Variants in CD44 observed in about 807,000 individuals in gnomAD.
CD44 encodes CD44 antigen.
CD44 carries 49 observed loss-of-function variants against 88.8 expected under a neutral mutation model. That is an observed-to-expected ratio of 0.55 (90% CI 0.44 to 0.70). The LOEUF is 0.70. Ranked by LOEUF, CD44 falls within the 30% of genes least tolerant of loss-of-function variation. CD44 has a pLI of 0.00. For synonymous variants in CD44, 325 were observed against 312.3 expected (o/e 1.04, Z -0.43); for missense variants, 883 against 913.8 (o/e 0.97, Z 0.43).
intron 1 of CD44, among the ~76,000 whole-genome samples, chr11:35,158,488 T>TGG (rs1445643416): frequency 6.6e-5 from 10 of 152,234 alleles, no homozygotes; most frequent in Non-Finnish European, 1.2e-4. Context: ...ACCTATGGCT[T>TGG]AGAGTTGTGT....
intron 14 of CD44, 74 bp downstream of exon 14, chr11:35,211,523 C>T (rs1948388390): frequency 2.7e-6 from 3 of 1,121,614 alleles, no homozygotes; most frequent in Non-Finnish European, 4.0e-6. Flanking sequence ...TTACAGAGGA[C>T]ATTTTCTGTG....
At chr11:35,182,377 T>A (rs1480782065) in intron 3 of CD44, among the ~76,000 whole-genome samples, 1 of 152,012 alleles carries the variant, frequency 6.6e-6, no homozygotes, top group Non-Finnish European at 1.5e-5. Context: ...GTGAAGCCAG[T>A]AGATTTTGAC....
At chr11:35,144,590 G>T (rs909461848) in intron 1 of CD44, among the ~76,000 whole-genome samples, 1 of 152,128 alleles carries the variant, frequency 6.6e-6, no homozygotes, top group East Asian at 1.9e-4. Flanking sequence ...CTGGGTTTGC[G>T]AGGCAAGCCC....
At chr11:35,140,750 G>A (rs1857747308) in intron 1 of CD44, among the ~76,000 whole-genome samples, 1 of 152,170 alleles carries the variant, frequency 6.6e-6, no homozygotes, top group African/African-American at 2.4e-5. Flanking sequence ...GCCTGTCATG[G>A]TGGCCCATGC....
At chr11:35,190,673 T>C (rs999511609) in intron 5 of CD44, among the ~76,000 whole-genome samples, 2 of 152,258 alleles carry the variant, frequency 1.3e-5, no homozygotes, top group Non-Finnish European at 2.9e-5. Flanking sequence ...TTTACATTCA[T>C]ACTATTGATA....
chr11:35,180,668 T>C (rs759074832), intron 3 of CD44, among the ~76,000 whole-genome samples: 12 of 152,158 alleles, frequency 7.9e-5, no homozygotes, highest in Non-Finnish European at 1.3e-4. Flanking sequence ...AGAAGAATTG[T>C]CTTGGGCCCC....
intron 15 of CD44, among the ~76,000 whole-genome samples, chr11:35,217,988 A>G (rs78573965): frequency 0.061 from 9,264 of 152,130 alleles, 453 homozygotes; most frequent in African/African-American, 0.13. Context: ...GGATCTCCCT[A>G]TGTTTCCCAG....
chr11:35,198,777 G>T (rs181971250), intron 7 of CD44, among the ~76,000 whole-genome samples: 31 of 152,168 alleles, frequency 2.0e-4, no homozygotes, highest in Non-Finnish European at 3.7e-4. Context: ...AGGAGATCGA[G>T]ACCATCCTGG....
chr11:35,198,195 A>T lies in CD44; in HGVS notation c.871A>T (p.Ser291Cys). The T allele has an allele frequency of 1.9e-6, 3 of 1,614,004 alleles. No homozygotes were observed. Among genetic ancestry groups the T allele is most frequent in the Non-Finnish European group, 2.5e-6 (3 of 1,179,848 alleles). ...TGAAGATGAAAGAGACAGACACCTC[A>T]GTTTTTCTGGATCAGGCATTGATGA... The part of the protein sequence containing the change: ...ENEDERDRHL[S>C]FSGSGIDDDE... The change falls in exon 7 of 18, where the codon AGT becomes TGT. Residue 291 changes from serine (S) to cysteine (C), a missense_variant. Coordinates refer to ENST00000428726, the MANE Select transcript of CD44 (RefSeq NM_000610.4).
intron 5 of CD44, among the ~76,000 whole-genome samples, chr11:35,192,770 G>T (rs1946386847): frequency 6.7e-6 from 1 of 148,660 alleles, no homozygotes; most frequent in Non-Finnish European, 1.5e-5. Context: ...CTTGTCTTCT[G>T]GGTGTCAAAG....
intron 1 of CD44, among the ~76,000 whole-genome samples, chr11:35,155,366 T>G (rs1941717552): frequency 1.3e-5 from 2 of 152,196 alleles, no homozygotes; most frequent in Admixed American, 1.3e-4. Context: ...GGAGTCCATT[T>G]ACCTGCTAGA....
intron 1 of CD44, among the ~76,000 whole-genome samples, chr11:35,153,565 A>G (rs1367975542): frequency 6.6e-6 from 1 of 152,212 alleles, no homozygotes; most frequent in African/African-American, 2.4e-5. Context: ...ATACTAGTTG[A>G]ACACCAATAT....
intron 17 of CD44, among the ~76,000 whole-genome samples, chr11:35,225,375 C>T (rs1949627773): frequency 6.6e-6 from 1 of 152,190 alleles, no homozygotes; most frequent in African/African-American, 2.4e-5. Context: ...CCCCAGCCAG[C>T]CTGCCCTCTC....
chr11:35,187,535 T>A (rs1333217155), intron 4 of CD44, among the ~76,000 whole-genome samples: 1 of 152,192 alleles, frequency 6.6e-6, no homozygotes, highest in African/African-American at 2.4e-5. Context: ...CACTTATTTT[T>A]AAAAAGAAAT....
At chr11:35,206,596 G>A (rs1229732661) in intron 11 of CD44, among the ~76,000 whole-genome samples, 7 of 144,688 alleles carry the variant, frequency 4.8e-5, no homozygotes, top group African/African-American at 1.7e-4. Flanking sequence ...ACAGAAAGGT[G>A]AATTGGACTT....
At chr11:35,184,807 A>G (rs1272717852) in intron 3 of CD44, among the ~76,000 whole-genome samples, 1 of 152,232 alleles carries the variant, frequency 6.6e-6, no homozygotes, top group Non-Finnish European at 1.5e-5. Flanking sequence ...TTATGGCATT[A>G]CCATTTAAGG....
chr11:35,154,020 C>T (rs780421752), intron 1 of CD44, among the ~76,000 whole-genome samples: 2 of 152,150 alleles, frequency 1.3e-5, no homozygotes, highest in Non-Finnish European at 2.9e-5. Context: ...TCATGAGAAC[C>T]TCTAAGCTGA....
chr11:35,220,538 C>A (rs182933222), intron 16 of CD44, among the ~76,000 whole-genome samples: 13 of 152,120 alleles, frequency 8.5e-5, no homozygotes, highest in African/African-American at 3.1e-4. Flanking sequence ...TGGTTCATTG[C>A]ACACATATAC....
Position 35,181,682 on chromosome 11 carries a change from T to TTA in CD44, c.367+1285_367+1286dup, listed in dbSNP as rs1359979652. 7.1e-3 allele frequency among the ~76,000 whole-genome samples: 964 copies of TTA among 136,682 alleles called. 9 individuals are homozygous for TTA. The highest frequency in any genetic ancestry group is 0.014 in the Middle Eastern group (4 of 276). The allele number at this position is 136,682 out of a possible 152,430, so 89.7% of individuals were successfully genotyped here. A position where few individuals can be genotyped will look rare whatever the true frequency, so the allele number is the denominator to read the frequency against. On this transcript the variant is annotated intron_variant, in intron 3 of 17. Transcript: ENST00000428726. ...TATATACATATACATATATATATAT[T>TTA]TATATATATATTTATTTATATATAT...
Sources: allele counts gnomAD v4.1 joint callset (sites outside exome capture counted in the v4.1 genomes callset), GRCh38; gene constraint gnomAD v4.1.1; transcripts MANE v1.5; gene names NCBI Gene and HGNC (gene_info 2026-07-23, HGNC 2026-07-21).